Variants in UNC13C observed in about 807,000 individuals in gnomAD.
UNC13C encodes the protein protein unc-13 homolog C.
UNC13C carries 174 observed loss-of-function variants against 245.4 expected under a neutral mutation model. The observed-to-expected ratio is 0.71, with a 90% CI of 0.63 to 0.80. UNC13C has a LOEUF of 0.80. Among genes scored for constraint, UNC13C ranks in the 30% least tolerant of loss-of-function variants. The pLI, the probability that UNC13C is intolerant of heterozygous loss-of-function variation, is 0.00. For synonymous variants in UNC13C, 992 were observed against 895.1 expected (o/e 1.11, Z -1.93); for missense variants, 2,829 against 2,602.9 (o/e 1.09, Z -1.89).
intron 30 of UNC13C, among the ~76,000 whole-genome samples, chr15:54,608,820 A>G (rs1424576232): frequency 6.6e-6 from 1 of 152,182 alleles, no homozygotes; most frequent in East Asian, 1.9e-4. Flanking sequence ...TCTGTTCATT[A>G]CAGTTCCTTA....
At chr15:53,972,550 A>G in the UNC13C span, 1 of 152,212 alleles carries the variant, frequency 6.6e-6, no homozygotes, top group East Asian at 1.9e-4. Context: ...TGGTTATAAC[A>G]AGAAATTGGG....
At chr15:54,173,132 T>A (rs1882428657) in intron 4 of UNC13C, among the ~76,000 whole-genome samples, 1 of 151,966 alleles carries the variant, frequency 6.6e-6, no homozygotes, top group African/African-American at 2.4e-5. Context: ...TTCTATAACT[T>A]GATAATAAGC....
chr15:54,511,905 G>A, intron 24 of UNC13C, 75 bp downstream of exon 24: 7 of 1,097,474 alleles, frequency 6.4e-6, no homozygotes, highest in South Asian at 4.3e-5. Context: ...TGCTATGAAA[G>A]TGTCTTAATC....
intron 17 of UNC13C, among the ~76,000 whole-genome samples, chr15:54,371,266 G>A (rs2039480978): frequency 6.6e-6 from 1 of 152,038 alleles, no homozygotes; most frequent in Admixed American, 6.5e-5. Flanking sequence ...TTCCATATAT[G>A]AGTGAAATCA....
At chr15:54,303,047 A>C (rs2140950344) in intron 13 of UNC13C, among the ~76,000 whole-genome samples, 1 of 152,264 alleles carries the variant, frequency 6.6e-6, no homozygotes, top group African/African-American at 2.4e-5. Flanking sequence ...TGTGAAAAAA[A>C]AATAAGAAAC....
chr15:54,400,880 C>T (rs559625910), intron 18 of UNC13C, among the ~76,000 whole-genome samples: 1 of 152,150 alleles, frequency 6.6e-6, no homozygotes, highest in African/African-American at 2.4e-5. Flanking sequence ...CGGTATGTCT[C>T]CTAATGTTAA....
chr15:54,623,437 T>C (rs1443321391), intron 31 of UNC13C, among the ~76,000 whole-genome samples: 1 of 152,184 alleles, frequency 6.6e-6, no homozygotes, highest in Non-Finnish European at 1.5e-5. Flanking sequence ...CAAAATATTG[T>C]CATTGACTGG....
At chr15:54,603,903 C>G (rs1217052167) in intron 30 of UNC13C, among the ~76,000 whole-genome samples, 1 of 152,108 alleles carries the variant, frequency 6.6e-6, no homozygotes, top group Non-Finnish European at 1.5e-5. Context: ...AAAGCTTACA[C>G]CTGAGCACGG....
chr15:54,611,187 T>A (rs940827128), intron 30 of UNC13C, among the ~76,000 whole-genome samples: 3 of 152,168 alleles, frequency 2.0e-5, no homozygotes, highest in Non-Finnish European at 4.4e-5. Context: ...AGTATTTGCA[T>A]ATGTGCAAGG....
chr15:54,610,436 A>G (rs1900023956), intron 30 of UNC13C, among the ~76,000 whole-genome samples: 2 of 152,062 alleles, frequency 1.3e-5, no homozygotes. Context: ...GGGTTTCACG[A>G]TGTTGTCCAG....
At chr15:54,038,412 C>T (rs2141029302) in intron 2 of UNC13C, among the ~76,000 whole-genome samples, 1 of 151,972 alleles carries the variant, frequency 6.6e-6, no homozygotes, top group African/African-American at 2.4e-5. Flanking sequence ...GGATTACAGG[C>T]ATGAACCACT....
At chr15:54,442,581 TTTGTCATGTA>T (rs1205033542) in intron 19 of UNC13C, among the ~76,000 whole-genome samples, 2 of 152,080 alleles carry the variant, frequency 1.3e-5, no homozygotes, top group South Asian at 2.1e-4. Flanking sequence ...TAGCTGTGGG[TTTGTCATGTA>T]TAGTCCTTAT....
rs1050034701 is a variant in UNC13C at position 54,237,798 on chromosome 15, C to T, written c.3228+108C>T. 5 of 967,358 alleles carry T rather than the reference C, an allele frequency of 5.2e-6. No individual in the cohort carries two copies. In the Admixed American group the frequency reaches 6.9e-5, roughly 13 times the overall value. The allele number at this position is 967,358 out of a possible 1,614,324, so 59.9% of individuals were successfully genotyped here. Reference sequence around the variant, plus strand: ...ATCTGTGATGTTTAGTCCAATGTTCCAGAAATAACTGGGAGCATGAGGAAA... The same window carrying T: ...ATCTGTGATGTTTAGTCCAATGTTCTAGAAATAACTGGGAGCATGAGGAAA... On this transcript the variant is annotated intron_variant, in intron 7 of 32. Coordinates refer to ENST00000260323, the MANE Select transcript of UNC13C (RefSeq NM_001080534.3).
At chr15:53,978,058 C>T (rs1464385762), upstream of UNC13C, among the ~76,000 whole-genome samples, 2 of 152,128 alleles carry the variant, frequency 1.3e-5, no homozygotes, top group Admixed American at 6.6e-5. Context: ...ATACTGTGTG[C>T]GGTATACTTT....
the UNC13C span, among the ~76,000 whole-genome samples, chr15:53,936,652 G>C: frequency 0.16 from 23,594 of 152,216 alleles, 2,179 homozygotes; most frequent in Middle Eastern, 0.23. Flanking sequence ...CTCTGGGACA[G>C]AGCTCCCAGA....
chr15:54,297,715 G>T, intron 11 of UNC13C, 96 bp from the exon 12 acceptor site: 1 of 877,720 alleles, frequency 1.1e-6, no homozygotes, highest in Non-Finnish European at 1.8e-6. Context: ...TACTTAAGCC[G>T]TTTTTTTGTT....
intron 4 of UNC13C, among the ~76,000 whole-genome samples, chr15:54,229,455 A>C (rs542660475): frequency 6.6e-6 from 1 of 152,210 alleles, no homozygotes; most frequent in Non-Finnish European, 1.5e-5. Flanking sequence ...GAAAGCTGAC[A>C]GTCTTTTTAT....
At chr15:53,851,988 G>A in the UNC13C span, among the ~76,000 whole-genome samples, 2 of 152,174 alleles carry the variant, frequency 1.3e-5, no homozygotes, top group African/African-American at 4.8e-5. Flanking sequence ...CCTGAGTTCT[G>A]TGAGCCACTG....
At chr15:53,931,683 G>T in the UNC13C span, among the ~76,000 whole-genome samples, 2 of 152,052 alleles carry the variant, frequency 1.3e-5, no homozygotes, top group Non-Finnish European at 2.9e-5. Context: ...ACTAAACCAA[G>T]GTATACACTT....
Sources: allele counts gnomAD v4.1 joint callset (sites outside exome capture counted in the v4.1 genomes callset), GRCh38; gene constraint gnomAD v4.1.1; transcripts MANE v1.5; gene names NCBI Gene and HGNC (gene_info 2026-07-23, HGNC 2026-07-21).